Variants in KIF3B observed in about 807,000 individuals in gnomAD.
KIF3B encodes kinesin family member 3B, also known as kinesin-like protein KIF3B.
In KIF3B, 38 loss-of-function variants were observed where a neutral mutation model predicts 74.3. That is an observed-to-expected ratio of 0.51 (90% CI 0.39 to 0.67). KIF3B has a LOEUF of 0.67. Among genes scored for constraint, KIF3B ranks in the 30% least tolerant of loss-of-function variants. The probability of loss-of-function intolerance (pLI) is 0.00; values close to 1 mark genes in which losing one functional copy is unlikely to be tolerated. For synonymous variants in KIF3B, 326 were observed against 342.5 expected (o/e 0.95, Z 0.53); for missense variants, 649 against 932.0 (o/e 0.70, Z 3.95).
intron 7 of KIF3B, among the ~76,000 whole-genome samples, chr20:32,329,304 A>C (rs572633232): frequency 6.6e-6 from 1 of 151,520 alleles, no homozygotes; most frequent in Admixed American, 6.6e-5. Context: ...TAGCCTCCCA[A>C]AGTGCTGGGA....
intron 1 of KIF3B, among the ~76,000 whole-genome samples, chr20:32,278,210 C>T (rs2047625730): frequency 6.6e-6 from 1 of 152,016 alleles, no homozygotes; most frequent in Non-Finnish European, 1.5e-5. Context: ...TGTGAAAGTG[C>T]CCTAAATGGG....
At chr20:32,294,460 AAAT>A (rs756877678) in intron 1 of KIF3B, among the ~76,000 whole-genome samples, 3 of 152,188 alleles carry the variant, frequency 2.0e-5, no homozygotes, top group Non-Finnish European at 4.4e-5. Flanking sequence ...TTAATTATAA[AAAT>A]CAAAATACAT....
chr20:32,315,573 T>TGTG (rs2047822905), intron 2 of KIF3B, among the ~76,000 whole-genome samples: 2 of 152,102 alleles, frequency 1.3e-5, no homozygotes, highest in Admixed American at 1.3e-4. Flanking sequence ...ATCAGCCAAG[T>TGTG]GTGGTGGTGT....
At chr20:32,307,976 T>G (rs2047780392) in intron 1 of KIF3B, among the ~76,000 whole-genome samples, 1 of 148,618 alleles carries the variant, frequency 6.7e-6, no homozygotes, top group South Asian at 2.1e-4. Flanking sequence ...GGCTCACGCC[T>G]ATAATCCTAG....
chr20:32,303,743 T>C (rs2047755445), intron 1 of KIF3B, among the ~76,000 whole-genome samples: 1 of 150,880 alleles, frequency 6.6e-6, no homozygotes, highest in African/African-American at 2.4e-5. Flanking sequence ...TAATCCCAGC[T>C]ATTCGGGAGG....
At chr20:32,320,312 T>C (rs2047853514) in intron 5 of KIF3B, among the ~76,000 whole-genome samples, 1 of 152,210 alleles carries the variant, frequency 6.6e-6, no homozygotes, top group East Asian at 1.9e-4. Context: ...ATGGTATTAC[T>C]TATAGCACAA....
chr20:32,332,159 C>A lies in KIF3B; in HGVS notation c.*840C>A, dbSNP rs1473911483. ...TTTTCCCATGCACGCATACTCTGAA[C>A]ATCCTTGTGTGGGCCCATCCTCTGC... On this transcript the variant is annotated 3_prime_UTR_variant, in exon 9 of 9. Transcript: ENST00000375712. The A allele has an allele frequency of 6.5e-6, 1 of 152,728 alleles. No individual in the cohort carries two copies. Among genetic ancestry groups the A allele is most frequent in the Non-Finnish European group, 1.5e-5 (1 of 68,084 alleles). 9.5% of individuals were successfully genotyped at this position (152,728 alleles called of 1,614,324 possible).
intron 1 of KIF3B, among the ~76,000 whole-genome samples, chr20:32,285,786 C>G (rs2047665005): frequency 6.6e-6 from 1 of 152,180 alleles, no homozygotes; most frequent in Non-Finnish European, 1.5e-5. Context: ...TGAGCTTTCT[C>G]CCAGACCTTT....
intron 1 of KIF3B, among the ~76,000 whole-genome samples, chr20:32,304,424 C>T (rs2122683093): frequency 6.6e-6 from 1 of 152,286 alleles, no homozygotes; most frequent in African/African-American, 2.4e-5. Flanking sequence ...TTGCATATAT[C>T]CTTTGATTCA....
intron 1 of KIF3B, among the ~76,000 whole-genome samples, chr20:32,293,337 C>G (rs6119809): frequency 0.2 from 31,055 of 151,744 alleles, 3,538 homozygotes; most frequent in African/African-American, 0.31. Flanking sequence ...GTGTCTGATG[C>G]CTGTAATCCC....
At position 32,277,680 on chromosome 20, in the gene KIF3B, A is replaced by G; in HGVS notation, c.-151A>G. The stretch of plus-strand genomic sequence containing the variant: ...TCTCTCCCCATCCGGGGCAGCGGGG[A>G]ATGGCTGAGCCAGGGGTTCGCCGCC... On this transcript the variant is annotated 5_prime_UTR_variant, in exon 1 of 9. Transcript: ENST00000375712. 4.0e-6 allele frequency: 1 copy of G among 248,726 alleles called. No homozygotes were observed. The highest frequency in any genetic ancestry group is 7.4e-6 in the Non-Finnish European group (1 of 135,358). 15.4% of individuals were successfully genotyped at this position (248,726 alleles called of 1,614,324 possible). A position where few individuals can be genotyped will look rare whatever the true frequency, so the allele number is the denominator to read the frequency against.
chr20:32,278,912 T>C (rs2047628565), intron 1 of KIF3B, among the ~76,000 whole-genome samples: 2 of 145,912 alleles, frequency 1.4e-5, no homozygotes, highest in African/African-American at 5.0e-5. Flanking sequence ...AAGGACCTGC[T>C]TAAGAATCCT....
intron 7 of KIF3B, among the ~76,000 whole-genome samples, chr20:32,328,339 G>A (rs2047914167): frequency 6.6e-6 from 1 of 151,916 alleles, no homozygotes; most frequent in Non-Finnish European, 1.5e-5. Context: ...CAGGAGAATG[G>A]CGTGAACCCA....
At chr20:32,307,724 G>A (rs910296320) in intron 1 of KIF3B, among the ~76,000 whole-genome samples, 1 of 151,938 alleles carries the variant, frequency 6.6e-6, no homozygotes, top group African/African-American at 2.4e-5. Context: ...GAGGTCAGAA[G>A]ATCGAGACCA....
intron 1 of KIF3B, among the ~76,000 whole-genome samples, chr20:32,305,961 CT>C (rs2047768359): frequency 6.6e-6 from 1 of 151,582 alleles, no homozygotes; most frequent in African/African-American, 2.4e-5. Context: ...TGGCAGGTGC[CT>C]GTAATCCTAA....
intron 5 of KIF3B, among the ~76,000 whole-genome samples, chr20:32,317,616 T>A (rs1423017408): frequency 6.7e-6 from 1 of 149,766 alleles, no homozygotes; most frequent in Non-Finnish European, 1.5e-5. Context: ...TACATACTTA[T>A]ATATATATAT....
rs903839276 is a variant in KIF3B, at chr20:32,334,912, T to C, written c.*3593T>C. 2 of 152,748 alleles carry C rather than the reference T, an allele frequency of 1.3e-5. No homozygotes were observed. The highest frequency in any genetic ancestry group is 2.4e-5 in the African/African-American group (1 of 41,582). 9.5% of individuals were successfully genotyped at this position (152,748 alleles called of 1,614,324 possible). On this transcript the variant is annotated 3_prime_UTR_variant, in exon 9 of 9. Transcript: ENST00000375712. ...ATACTTGGGGCTCTAAGTTTTACAA[T>C]TGATATTTATTTGTATCATCTCTTT... is the stretch of plus-strand genomic sequence containing the variant.
chr20:32,324,811 C>T (rs2047894654), intron 5 of KIF3B, among the ~76,000 whole-genome samples: 1 of 152,242 alleles, frequency 6.6e-6, no homozygotes, highest in Middle Eastern at 3.4e-3. Context: ...GGCAAATTGC[C>T]TGAGCTCAGG....
At position 32,311,239 on chromosome 20, in the gene KIF3B, AAAC is replaced by A. The variant is rs912298862; in HGVS notation, c.1404+67_1404+69del. On this transcript the variant is annotated intron_variant, in intron 2 of 8. Transcript: ENST00000375712. ...CCCTGTCACTGCTTTTGCTTTCATC[AAAC>A]AACAACAAAAAACATAACCATATGA... 9.5e-6 allele frequency: 14 copies of A among 1,473,850 alleles called. No homozygotes were observed. The African/African-American group carries it at 1.4e-4, about 15-fold the overall frequency. The allele number at this position is 1,473,850 out of a possible 1,614,324, so 91.3% of individuals were successfully genotyped here.
Sources: allele counts gnomAD v4.1 joint callset (sites outside exome capture counted in the v4.1 genomes callset), GRCh38; gene constraint gnomAD v4.1.1; transcripts MANE v1.5; gene names NCBI Gene and HGNC (gene_info 2026-07-23, HGNC 2026-07-21).